The following NLRP2 variants were observed in gnomAD, a reference collection of about 807,000 sequenced individuals.
NLRP2 encodes the protein NLR family pyrin domain containing 2, also known as NACHT, LRR and PYD domains-containing protein 2.
In NLRP2, 107 loss-of-function variants were observed where a neutral mutation model predicts 97.2. That is an observed-to-expected ratio of 1.10 (90% CI 0.94 to 1.29). The LOEUF is 1.29. Among genes scored for constraint, NLRP2 ranks in the 50% most tolerant of loss-of-function variants. The pLI is 0.00. For synonymous variants in NLRP2, 663 were observed against 551.5 expected (o/e 1.20, Z -2.83); for missense variants, 1,495 against 1,330.3 (o/e 1.12, Z -1.93).
chr19:54,981,768 A>C, intron 5 of NLRP2, 86 bp downstream of exon 5: 2 of 850,198 alleles, frequency 2.4e-6, no homozygotes, highest in South Asian at 2.7e-5. Flanking sequence ...TATGTAACAC[A>C]AAGCATTTAT....
intron 11 of NLRP2, among the ~76,000 whole-genome samples, chr19:54,994,981 T>G (rs1380734838): frequency 2.0e-5 from 3 of 151,180 alleles, no homozygotes; most frequent in East Asian, 4.0e-4. Flanking sequence ...CCTCAAGCCA[T>G]TCAGCCAAAA....
At chr19:54,988,460 C>A (rs531672077) in intron 8 of NLRP2, among the ~76,000 whole-genome samples, 2 of 152,044 alleles carry the variant, frequency 1.3e-5, no homozygotes, top group African/African-American at 4.8e-5. Context: ...TTTTGTATTT[C>A]TAGTATTTTG....
In NLRP2 at chr19:54,982,496, G is replaced by C. The variant is rs1254940930; in HGVS notation, c.798G>C (p.Trp266Cys). 6.2e-7 allele frequency: 1 copy of C among 1,614,074 alleles called. No individual in the cohort carries two copies. The highest frequency in any genetic ancestry group is 8.5e-7 in the Non-Finnish European group (1 of 1,180,042). The change falls in exon 6 of 13, where the codon TGG (tryptophan) becomes TGC (cysteine). Residue 266 changes from tryptophan (W) to cysteine (C), a missense_variant. By Grantham distance (215) the Trp-to-Cys change is radical (BLOSUM62 -2). Coordinates refer to ENST00000448584, the MANE Select transcript of NLRP2 (RefSeq NM_017852.5). ...TTGCAGAGCTGGTCTTCAGGGACTG[G>C]CCTGAATTGCAGGATGACATTCCAC... ...CSFAELVFRD[W>C]PELQDDIPHI...
intron 12 of NLRP2, among the ~76,000 whole-genome samples, chr19:54,997,749 C>G (rs913744634): frequency 2.6e-5 from 4 of 151,814 alleles, no homozygotes; most frequent in African/African-American, 9.7e-5. Flanking sequence ...GCAACCGCAC[C>G]CGGCCACCTT....
At chr19:54,990,837 A>AT in intron 10 of NLRP2, 165 bp downstream of exon 10, 1 of 724,992 alleles carries the variant, frequency 1.4e-6, no homozygotes, top group Non-Finnish European at 2.5e-6. Context: ...GGAAAAAAGT[A>AT]TAAGTAGTAG....
chr19:54,986,499 C>G, intron 8 of NLRP2, 184 bp downstream of exon 8: 1 of 655,002 alleles, frequency 1.5e-6, no homozygotes, highest in South Asian at 1.7e-5. Flanking sequence ...AGTAAACACC[C>G]TGGACAACCA....
Position 54,981,650 on chromosome 19 carries a change from T to A in NLRP2, c.431T>A (p.Leu144Gln), listed in dbSNP as rs768996521. ...GAAACGAAAGGAAATGTCATCTGCCTGGGTAAAGAAGTCTTTAAAGGAAAA... is the reference window on the plus strand; with the variant it reads ...GAAACGAAAGGAAATGTCATCTGCCAGGGTAAAGAAGTCTTTAAAGGAAAA... Reference protein sequence around the residue: ...FTETKGNVICLGKEVFKGKKP... With the variant: ...FTETKGNVICQGKEVFKGKKP... The change falls in exon 5 of 13, where the codon CTG becomes CAG. Residue 144 changes from leucine (L) to glutamine (Q), a missense_variant. Coordinates refer to ENST00000448584, the MANE Select transcript of NLRP2 (RefSeq NM_017852.5). 71 of 1,598,206 alleles carry A rather than the reference T, an allele frequency of 4.4e-5. 2 individuals carry two copies. The South Asian group carries it at 7.8e-4, about 18-fold the overall frequency.
chr19:54,991,063 C>T, intron 10 of NLRP2: 1 of 255,674 alleles, frequency 3.9e-6, no homozygotes. Flanking sequence ...TGTGTTTTCT[C>T]TTAATCTGTG....
intron 10 of NLRP2, among the ~76,000 whole-genome samples, chr19:54,992,556 C>CTTTTTTTTTTTTTTTTTTTGTTTTTTTT (rs71181721): frequency 3.6e-5 from 3 of 82,520 alleles, no homozygotes; most frequent in African/African-American, 1.0e-4. Flanking sequence ...GGGGGGTTTT[C>CTTTTTTTTTTTTTTTTTTTGTTTTTTTT]TTTTTTTTTT....
chr19:54,984,966 G>A (rs2071951816), intron 6 of NLRP2, 81 bp from the exon 7 acceptor site: 9 of 1,322,238 alleles, frequency 6.8e-6, no homozygotes, highest in Non-Finnish European at 9.8e-6. Context: ...ATTTGTCAGG[G>A]GTATATGCCC....
At chr19:54,973,763 G>A (rs1334251609) in intron 2 of NLRP2, 9 of 531,840 alleles carry the variant, frequency 1.7e-5, no homozygotes, top group South Asian at 1.3e-4. Context: ...ACGAAGGTCT[G>A]GGCTCTGAAA....
At chr19:54,973,201 C>A (rs1039062942) in intron 2 of NLRP2, among the ~76,000 whole-genome samples, 335 of 143,872 alleles carry the variant, frequency 2.3e-3, no homozygotes, top group African/African-American at 7.7e-3. Context: ...AAAAAAAAAA[C>A]AAACAAACAT....
chr19:54,985,619 A>G lies in NLRP2; in HGVS notation c.2201+402A>G, dbSNP rs189949065. ...CTTGAACCCAGGAGGCGGAGGTTGC[A>G]GTGAACCAAGATCCTGCCACTGGAC... On this transcript the variant is annotated intron_variant, in intron 7 of 12. Coordinates refer to ENST00000448584, the MANE Select transcript of NLRP2 (RefSeq NM_017852.5). Among the ~76,000 whole-genome samples the G allele has an allele frequency of 5.3e-3, 763 of 144,784 alleles. 2 individuals carry two copies. Among genetic ancestry groups the G allele is most frequent in the Non-Finnish European group, 8.0e-3 (538 of 67,140 alleles). 95.0% of individuals were successfully genotyped at this position (144,784 alleles called of 152,430 possible). A position where few individuals can be genotyped will look rare whatever the true frequency, so the allele number is the denominator to read the frequency against.
rs2071565571 is a variant in NLRP2 at position 54,981,466 on chromosome 19, C to T, written c.398-151C>T. ...TATAGGCATGAGCCACCACACCTGG[C>T]CGGAAAACACATTTGTAGCTTATTT... is the stretch of plus-strand genomic sequence containing the variant. On this transcript the variant is annotated intron_variant, in intron 4 of 12. Coordinates refer to ENST00000448584, the MANE Select transcript of NLRP2 (RefSeq NM_017852.5). The T allele has an allele frequency of 6.1e-6, 4 of 651,434 alleles. No homozygotes were observed. In the South Asian group the frequency reaches 6.6e-5, roughly 11 times the overall value. The allele number at this position is 651,434 out of a possible 1,614,324, so 40.4% of individuals were successfully genotyped here.
intron 1 of NLRP2, among the ~76,000 whole-genome samples, chr19:54,968,039 C>T (rs943257497): frequency 7.9e-5 from 12 of 151,518 alleles, no homozygotes; most frequent in African/African-American, 2.9e-4. Context: ...GTGCCTCAGC[C>T]TTCTAAGTAG....
At chr19:55,000,420 G>A (rs1311247699) in intron 12 of NLRP2, among the ~76,000 whole-genome samples, 1 of 150,354 alleles carries the variant, frequency 6.7e-6, no homozygotes, top group Non-Finnish European at 1.5e-5. Flanking sequence ...GGGACTACAG[G>A]CGTCCGCCAC....
chr19:54,998,983 A>G (rs1008340279), intron 12 of NLRP2, among the ~76,000 whole-genome samples: 9 of 150,646 alleles, frequency 6.0e-5, no homozygotes, highest in African/African-American at 2.2e-4. Flanking sequence ...CCAAGGCAGA[A>G]GAATTTTTCT....
intron 2 of NLRP2, 96 bp downstream of exon 2, chr19:54,970,391 C>A: frequency 6.9e-7 from 1 of 1,457,644 alleles, no homozygotes; most frequent in Non-Finnish European, 9.6e-7. Flanking sequence ...TGGCTCACGC[C>A]TGTCGTCCCA....
Position 54,970,095 on chromosome 19 carries a change from A to C in NLRP2, c.80A>C (p.Lys27Thr). The C allele has an allele frequency of 1.2e-6, 2 of 1,614,098 alleles. No individual in the cohort carries two copies. Among genetic ancestry groups the C allele is most frequent in the Non-Finnish European group, 1.7e-6 (2 of 1,180,028 alleles). ...AGCCAGGATGAGTTGAGCAAGTTCA[A>C]GTATCTGATCACGACCTTCTCCCTG... ...QLSQDELSKF[K>T]YLITTFSLAH... The change falls in exon 2 of 13, where the codon AAG becomes ACG. Residue 27 changes from lysine (K) to threonine (T), a missense_variant. Physicochemically the swap from Lys to Thr is moderately conservative, Grantham distance 78. Coordinates refer to ENST00000448584, the MANE Select transcript of NLRP2 (RefSeq NM_017852.5).
Sources: gnomAD v4.1 joint callset for allele counts (sites outside exome capture counted in the v4.1 genomes callset) on GRCh38, gnomAD v4.1.1 for gene constraint, MANE v1.5 for transcripts, NCBI Gene and HGNC (gene_info 2026-07-23, HGNC 2026-07-21) for gene names.